The following TGDS variants were observed in gnomAD, a reference collection of about 807,000 sequenced individuals.
The protein encoded by TGDS is UDP-D-glucose 4,6-dehydratase.
TGDS carries 47 observed loss-of-function variants against 52.3 expected under a neutral mutation model. The observed-to-expected ratio is 0.90, with a 90% CI of 0.71 to 1.15. TGDS has a LOEUF of 1.15. Among genes scored for constraint, TGDS ranks in the 50% most tolerant of loss-of-function variants. The pLI is 0.00. For synonymous variants in TGDS, 115 were observed against 136.9 expected, an observed-to-expected ratio of 0.84 and a Z score of 1.12; for missense variants, 375 against 418.4, an observed-to-expected ratio of 0.90 and a Z score of 0.90.
At chr13:94,593,390 A>T (rs906817072) in intron 2 of TGDS, among the ~76,000 whole-genome samples, 2 of 152,216 alleles carry the variant, frequency 1.3e-5, no homozygotes, top group African/African-American at 4.8e-5. Context: ...TCTTCTTATG[A>T]TGGATGTCCC....
rs1419647860 is a variant in TGDS, at chr13:94,577,446, A to G, written c.826-17T>C. On this transcript the variant is annotated splice_polypyrimidine_tract_variant and intron_variant, in intron 9 of 11. Transcript: ENST00000261296. ...CTCTTTGATCTGTCAAAATGGAAAAAGCTTTTGAGTCAAATTATAAAATGA... is the reference window on the plus strand; with the variant it reads ...CTCTTTGATCTGTCAAAATGGAAAAGGCTTTTGAGTCAAATTATAAAATGA... The G allele has an allele frequency of 6.5e-7, 1 of 1,546,256 alleles. No homozygotes were observed. The highest frequency in any genetic ancestry group is 1.3e-5 in the South Asian group (1 of 79,572).
chr13:94,577,872 G>A, intron 9 of TGDS, 133 bp downstream of exon 9: 1 of 907,402 alleles, frequency 1.1e-6, no homozygotes, highest in Non-Finnish European at 1.6e-6. Context: ...GACACATATG[G>A]TACACAAAAT....
chr13:94,590,986 G>T, intron 3 of TGDS, 43 bp from the exon 4 acceptor site: 1 of 1,389,116 alleles, frequency 7.2e-7, no homozygotes, highest in Non-Finnish European at 9.9e-7. Flanking sequence ...GTTTCATACA[G>T]CACTCTCATT....
chr13:94,596,116 C>A lies in TGDS; in HGVS notation c.21G>T (p.Glu7Asp), dbSNP rs766990686. The change falls in exon 1 of 12, where the codon GAG becomes GAT. Residue 7 changes from glutamate to aspartate, a missense_variant. Coordinates refer to ENST00000261296, the MANE Select transcript of TGDS (RefSeq NM_014305.4). ...AGCCGCCGGGAAGACCCCACGGTTC[C>A]TCCCAACACGCCGCCGACATCTCCC... MSAACWEEPWGLPGGFA... is the reference protein window; with the variant it reads MSAACWDEPWGLPGGFA... 2.5e-6 allele frequency: 4 copies of A among 1,614,162 alleles called. No individual in the cohort carries two copies. Among genetic ancestry groups the A allele is most frequent in the Non-Finnish European group, 3.4e-6 (4 of 1,180,008 alleles).
intron 2 of TGDS, among the ~76,000 whole-genome samples, chr13:94,593,490 TA>T (rs894210549): frequency 6.6e-6 from 1 of 151,982 alleles, no homozygotes; most frequent in African/African-American, 2.4e-5. Context: ...ATATGTCAAT[TA>T]AAAAATAGAA....
chr13:94,578,301 T>G, intron 8 of TGDS, 131 bp from the exon 9 acceptor site: 1 of 901,194 alleles, frequency 1.1e-6, no homozygotes. Flanking sequence ...AAAATACAAA[T>G]TCTCGTAGCT....
chr13:94,577,023 C>A (rs932770700), intron 10 of TGDS, among the ~76,000 whole-genome samples: 1 of 151,704 alleles, frequency 6.6e-6, no homozygotes, highest in Non-Finnish European at 1.5e-5. Context: ...ACTGCTTGAA[C>A]CTGGGAAGGC....
rs1888637250 is a variant in TGDS at position 94,577,348 on chromosome 13, C to CA, written c.884+22dup. ...TACCTAAGATTTCACAACCTTTCCC[C>CA]AAGGTTTTAACTTGTTACTCACCTA... On this transcript the variant is annotated intron_variant, in intron 10 of 11. Coordinates refer to ENST00000261296, the MANE Select transcript of TGDS (RefSeq NM_014305.4). 14 of 1,535,894 alleles carry CA rather than the reference C, an allele frequency of 9.1e-6. No homozygotes were observed. In the East Asian group the frequency reaches 3.4e-4, roughly 37 times the overall value.
chr13:94,581,246 C>A, intron 5 of TGDS, 57 bp from the exon 6 acceptor site: 2 of 1,183,126 alleles, frequency 1.7e-6, no homozygotes, highest in South Asian at 3.2e-5. Flanking sequence ...GTATAGAAAT[C>A]AGAGCATATG....
chr13:94,592,657 T>C (rs1348128867), intron 2 of TGDS, among the ~76,000 whole-genome samples: 1 of 151,902 alleles, frequency 6.6e-6, no homozygotes, highest in East Asian at 2.0e-4. Context: ...GGTTTCACCA[T>C]GTTAGCCAGG....
Position 94,593,883 on chromosome 13 carries a change from TAA to T in TGDS, c.109_110del (p.Leu37SerfsTer25), listed in dbSNP as rs1183225370. ...GFIASHMIVS[L>X]VEDYPNYMII... Reference sequence around the variant, plus strand: ...TCATATAGTTTGGATAATCTTCCACTAAAGAGACAATCATATGTGATGCACTA... The same window carrying T: ...TCATATAGTTTGGATAATCTTCCACTAGAGACAATCATATGTGATGCACTA... On this transcript the variant is annotated frameshift_variant, in exon 2 of 12. Coordinates refer to ENST00000261296, the MANE Select transcript of TGDS (RefSeq NM_014305.4). LOFTEE classifies it high-confidence loss of function. 6.3e-7 allele frequency: 1 copy of T among 1,584,628 alleles called. No individual in the cohort carries two copies. The highest frequency in any genetic ancestry group is 8.6e-7 in the Non-Finnish European group (1 of 1,166,704).
chr13:94,587,823 C>A (rs960711046), intron 4 of TGDS, among the ~76,000 whole-genome samples: 1 of 150,936 alleles, frequency 6.6e-6, no homozygotes, highest in Non-Finnish European at 1.5e-5. Flanking sequence ...CGGTGAAACC[C>A]CGTCTCTATT....
At position 94,583,078 on chromosome 13, in the gene TGDS, C is replaced by T; in HGVS notation, c.456+16G>A. On this transcript the variant is annotated intron_variant, in intron 5 of 11. Transcript: ENST00000261296. ...TACATGGTTAAGTAGGTAAAATATA[C>T]ATTTTCTAAGCTCACCTTATCAAGA... is the stretch of plus-strand genomic sequence containing the variant. 2.5e-6 allele frequency: 4 copies of T among 1,609,186 alleles called. No individual in the cohort carries two copies. Among genetic ancestry groups the T allele is most frequent in the African/African-American group, 1.3e-5 (1 of 74,748 alleles).
chr13:94,576,584 A>T (rs1220422732), intron 10 of TGDS, among the ~76,000 whole-genome samples, 173 bp from the exon 11 acceptor site: 2 of 152,160 alleles, frequency 1.3e-5, no homozygotes, highest in Non-Finnish European at 2.9e-5. Flanking sequence ...TTAAAAAAAA[A>T]AAGTCACCCA....
intron 4 of TGDS, among the ~76,000 whole-genome samples, chr13:94,586,574 G>A (rs894105505): frequency 6.6e-6 from 1 of 152,116 alleles, no homozygotes; most frequent in Non-Finnish European, 1.5e-5. Flanking sequence ...TTTACGGAAA[G>A]TGACCATATA....
chr13:94,578,262 T>C, intron 8 of TGDS, 92 bp from the exon 9 acceptor site: 1 of 1,150,854 alleles, frequency 8.7e-7, no homozygotes, highest in South Asian at 1.5e-5. Flanking sequence ...GAGAAGCTAA[T>C]TCCCATGGGG....
At chr13:94,579,099 C>A (rs1888704785) in intron 7 of TGDS, among the ~76,000 whole-genome samples, 2 of 152,200 alleles carry the variant, frequency 1.3e-5, no homozygotes, top group African/African-American at 4.8e-5. Flanking sequence ...TTACTTATTG[C>A]TTTACATATA....
intron 4 of TGDS, among the ~76,000 whole-genome samples, chr13:94,586,608 C>T (rs1186172052): frequency 6.6e-6 from 1 of 152,138 alleles, no homozygotes; most frequent in African/African-American, 2.4e-5. Context: ...CAAGTCGTAG[C>T]ATAAAGGACT....
chr13:94,594,100 A>T (rs1243748496), intron 1 of TGDS, among the ~76,000 whole-genome samples, 193 bp from the exon 2 acceptor site: 29 of 152,250 alleles, frequency 1.9e-4, no homozygotes, highest in Admixed American at 1.9e-3. Context: ...AGTATCTATA[A>T]ACAAAAGTTT....
Sources: gnomAD v4.1 joint callset for allele counts (sites outside exome capture counted in the v4.1 genomes callset) on GRCh38, gnomAD v4.1.1 for gene constraint, MANE v1.5 for transcripts, NCBI Gene and HGNC (gene_info 2026-07-23, HGNC 2026-07-21) for gene names.